Variants in RNF41 observed in about 807,000 individuals in gnomAD.
The protein encoded by RNF41 is E3 ubiquitin-protein ligase NRDP1.
A neutral mutation model predicts 33.0 loss-of-function variants in RNF41; 4 were observed. That is an observed-to-expected ratio of 0.12 (90% confidence interval 0.06 to 0.28). RNF41 has a LOEUF of 0.28. Ranked by LOEUF, RNF41 falls within the 10% of genes least tolerant of loss-of-function variation. The pLI is 1.00. For missense variants in RNF41, 228 were observed against 432.6 expected (o/e 0.53, Z 4.19); for synonymous variants, 164 against 153.2 (o/e 1.07, Z -0.52).
rs1868701215 is a variant in RNF41, at chr12:56,214,372, T to C, written c.-23-302A>G. 1.3e-5 allele frequency among the ~76,000 whole-genome samples: 2 copies of C among 149,546 alleles called. 1 individual carries two copies. The highest frequency in any genetic ancestry group is 4.3e-4 in the South Asian group (2 of 4,704). On this transcript the variant is annotated intron_variant, in intron 2 of 6. Coordinates refer to ENST00000345093, the MANE Select transcript of RNF41 (RefSeq NM_005785.4). The stretch of plus-strand genomic sequence containing the variant: ...CCTGTCTCTACTAAAAATACAAAAA[T>C]TAGCTGGGTGTGGTATGCGCATCTG...
rs148827697 is a variant in RNF41 at position 56,208,218 on chromosome 12, C to T, written c.443G>A (p.Arg148His). Residue 148 changes from arginine (R) to histidine (H), a missense_variant, in exon 5 of 7, where the codon CGC becomes CAC. By Grantham distance (29) the Arg-to-His change is conservative. Coordinates refer to ENST00000345093, the MANE Select transcript of RNF41 (RefSeq NM_005785.4). ...TGACGTCTTCTCCAGCTCTGCGATGCGTGTCTGCTGCTGCTGTACCACTGA... is the reference window on the plus strand; with the variant it reads ...TGACGTCTTCTCCAGCTCTGCGATGTGTGTCTGCTGCTGCTGTACCACTGA... The part of the protein sequence containing the change: ...LRSVVQQQQT[R>H]IAELEKTSAE... 13 of 1,614,082 alleles carry T rather than the reference C, an allele frequency of 8.1e-6. No homozygotes were observed. In the African/African-American group the frequency reaches 1.5e-4, roughly 18 times the overall value.
In RNF41 at chr12:56,204,989, T is replaced by C. The variant is rs2135796832; in HGVS notation, c.*1458A>G. The C allele has an allele frequency of 6.6e-6, 1 of 152,378 alleles. No individual in the cohort carries two copies. Among genetic ancestry groups the C allele is most frequent in the Admixed American group, 6.5e-5 (1 of 15,294 alleles). The allele number at this position is 152,378 out of a possible 1,614,324, so 9.4% of individuals were successfully genotyped here. On this transcript the variant is annotated 3_prime_UTR_variant, in exon 7 of 7. Coordinates refer to ENST00000345093, the MANE Select transcript of RNF41 (RefSeq NM_005785.4). ...GCCAGTCACTCTAGGGATCAAGGTA[T>C]ACCCCAGGTAACCTGAAATGGAACT... is the stretch of plus-strand genomic sequence containing the variant.
At chr12:56,220,203 TG>T (rs1869259723) in intron 1 of RNF41, among the ~76,000 whole-genome samples, 1 of 151,668 alleles carries the variant, frequency 6.6e-6, no homozygotes, top group African/African-American at 2.4e-5. Context: ...GTCAGGGTTT[TG>T]TTTTGTTTTT....
chr12:56,210,666 C>G, intron 3 of RNF41, 98 bp from the exon 4 acceptor site: 1 of 1,241,634 alleles, frequency 8.1e-7, no homozygotes, highest in South Asian at 1.3e-5. Flanking sequence ...AGCCTTTGAG[C>G]AGCCTCTACG....
intron 3 of RNF41, chr12:56,212,847 T>G: frequency 2.0e-6 from 1 of 505,542 alleles, no homozygotes; most frequent in Non-Finnish European, 3.4e-6. Flanking sequence ...CATTGCCTAG[T>G]GTCCTGGTTT....
chr12:56,203,674 G>T lies in RNF41; in HGVS notation c.*2773C>A, dbSNP rs1421596723. 1 of 144,510 alleles carries T rather than the reference G, an allele frequency of 6.9e-6. No homozygotes were observed. Among genetic ancestry groups the T allele is most frequent in the African/African-American group, 2.6e-5 (1 of 38,626 alleles). The allele number at this position is 144,510 out of a possible 1,614,324, so 9.0% of individuals were successfully genotyped here. ...CTCCCAAAGTGCTGGGATTACAGAC[G>T]TGAGCCACCGTGCCCGGCCTATGAA... On this transcript the variant is annotated 3_prime_UTR_variant, in exon 7 of 7. Coordinates refer to ENST00000345093, the MANE Select transcript of RNF41 (RefSeq NM_005785.4).
chr12:56,203,734 C>T lies in RNF41; in HGVS notation c.*2713G>A, dbSNP rs1206439849. The T allele has an allele frequency of 3.2e-5, 4 of 126,204 alleles. No homozygotes were observed. Among genetic ancestry groups the T allele is most frequent in the African/African-American group, 1.2e-4 (4 of 32,674 alleles). 7.8% of individuals were successfully genotyped at this position (126,204 alleles called of 1,614,324 possible). A position where few individuals can be genotyped will look rare whatever the true frequency, so the allele number is the denominator to read the frequency against. On this transcript the variant is annotated 3_prime_UTR_variant, in exon 7 of 7. Coordinates refer to ENST00000345093, the MANE Select transcript of RNF41 (RefSeq NM_005785.4). ...TTTTTTTTTTTTTTTTAGACGGAGC[C>T]TTGCTCTGTCGCCCAGGCTGGAATG...
At position 56,218,953 on chromosome 12, in the gene RNF41, C is replaced by T. The variant is rs192187753; in HGVS notation, c.-208-2340G>A. ...TCCTGACCTTGTGATCCGCCCGCCT[C>T]GGCCTCCCAAAGTGCTGGGATTATA... On this transcript the variant is annotated intron_variant, in intron 1 of 6. Coordinates refer to ENST00000345093, the MANE Select transcript of RNF41 (RefSeq NM_005785.4). 2.6e-3 allele frequency among the ~76,000 whole-genome samples: 385 copies of T among 150,648 alleles called. 4 individuals are homozygous for T. The highest frequency in any genetic ancestry group is 9.0e-3 in the African/African-American group (370 of 41,328).
At position 56,206,895 on chromosome 12, in the gene RNF41, G is replaced by A; in HGVS notation, c.603-97C>T. On this transcript the variant is annotated intron_variant, in intron 6 of 6. Transcript: ENST00000345093. This position sits in a 1 kb window ranked among gnomAD's most constrained non-coding sequence, Gnocchi z 5.7. ...GAAATAACTACCCACTCTGCACTCA[G>A]CTTACCTATTCTTCCTTCTTTCCTT... The A allele has an allele frequency of 1.0e-6, 1 of 996,018 alleles. No individual in the cohort carries two copies. The highest frequency in any genetic ancestry group is 1.5e-6 in the Non-Finnish European group (1 of 688,724). The allele number at this position is 996,018 out of a possible 1,614,324, so 61.7% of individuals were successfully genotyped here.
intron 1 of RNF41, 30 bp downstream of exon 1, chr12:56,221,730 G>A (rs917829613): frequency 6.6e-6 from 1 of 152,186 alleles, no homozygotes; most frequent in East Asian, 1.9e-4. Flanking sequence ...CCCTCTTTTA[G>A]GTGGAAGATC....
intron 5 of RNF41, among the ~76,000 whole-genome samples, 168 bp downstream of exon 5, chr12:56,207,995 A>G (rs968715642): frequency 1.3e-5 from 2 of 152,256 alleles, no homozygotes; most frequent in Non-Finnish European, 2.9e-5. Context: ...AGAAAAGTCA[A>G]GGAGAGCTCC....
In RNF41 at chr12:56,210,545, G is replaced by A; in HGVS notation, c.114C>T (p.Phe38=). Residue 38 remains phenylalanine, a synonymous_variant, in exon 4 of 7, where the codon TTC becomes TTT. Coordinates refer to ENST00000345093, the MANE Select transcript of RNF41 (RefSeq NM_005785.4). The part of the protein sequence containing the change: ...PVQAPHCEHA[F]CNACITQWFS... ...ACCACTGGGTGATGCAGGCGTTGCA[G>A]AAAGCATGTTCACAATGAGGTGCCT... 6.2e-7 allele frequency: 1 copy of A among 1,613,558 alleles called. No homozygotes were observed. Among genetic ancestry groups the A allele is most frequent in the Non-Finnish European group, 8.5e-7 (1 of 1,180,014 alleles).
chr12:56,207,776 A>T, intron 5 of RNF41, 27 bp from the exon 6 acceptor site: 1 of 1,563,160 alleles, frequency 6.4e-7, no homozygotes, highest in South Asian at 1.1e-5. Context: ...GAACAGGAAT[A>T]ATGGTTAAGG....
rs1878747640 is a variant in RNF41 at position 56,204,495 on chromosome 12, G to C, written c.*1952C>G. ...CCTTCTCAAGAAAGGGAGTAATGCTGAAGAATTTAGAGAGTTGAGTAAAAG... is the reference window on the plus strand; with the variant it reads ...CCTTCTCAAGAAAGGGAGTAATGCTCAAGAATTTAGAGAGTTGAGTAAAAG... On this transcript the variant is annotated 3_prime_UTR_variant, in exon 7 of 7. Coordinates refer to ENST00000345093, the MANE Select transcript of RNF41 (RefSeq NM_005785.4). 1 of 152,262 alleles carries C rather than the reference G, an allele frequency of 6.6e-6. No individual in the cohort carries two copies. Among genetic ancestry groups the C allele is most frequent in the Non-Finnish European group, 1.5e-5 (1 of 68,048 alleles). 9.4% of individuals were successfully genotyped at this position (152,262 alleles called of 1,614,324 possible).
At chr12:56,209,916 T>G (rs1868364596) in intron 4 of RNF41, 1 of 245,086 alleles carries the variant, frequency 4.1e-6, no homozygotes, top group African/African-American at 2.2e-5. Flanking sequence ...TATCAACATT[T>G]AGTCGAATAT....
At chr12:56,210,619 A>C in intron 3 of RNF41, 51 bp from the exon 4 acceptor site, 5 of 1,491,504 alleles carry the variant, frequency 3.4e-6, no homozygotes, top group African/African-American at 1.5e-5. Context: ...GCAGGACCTA[A>C]GAGCCTGGAT....
In RNF41 at chr12:56,204,011, A is replaced by C. The variant is rs1878721722; in HGVS notation, c.*2436T>G. ...TGAGCCACCGCGCCCGGCTATGAAG[A>C]CTATTTTTATAAGTAAATAATTATG... On this transcript the variant is annotated 3_prime_UTR_variant, in exon 7 of 7. Coordinates refer to ENST00000345093, the MANE Select transcript of RNF41 (RefSeq NM_005785.4). The C allele has an allele frequency of 6.6e-6, 1 of 152,068 alleles. No individual in the cohort carries two copies. The highest frequency in any genetic ancestry group is 2.4e-5 in the African/African-American group (1 of 41,404). The allele number at this position is 152,068 out of a possible 1,614,324, so 9.4% of individuals were successfully genotyped here. A position where few individuals can be genotyped will look rare whatever the true frequency, so the allele number is the denominator to read the frequency against.
rs1869491804 is a variant in RNF41, at chr12:56,221,888, A to T, written c.-337T>A. 6.6e-6 allele frequency: 1 copy of T among 152,436 alleles called. No homozygotes were observed. Among genetic ancestry groups the T allele is most frequent in the South Asian group, 2.1e-4 (1 of 4,844 alleles). 9.4% of individuals were successfully genotyped at this position (152,436 alleles called of 1,614,324 possible). On this transcript the variant is annotated 5_prime_UTR_variant, in exon 1 of 7. Transcript: ENST00000345093. ...AGGGAAGGGAAAGGGGAAGGAGGGGAAAGAAGACTCCTACCACTCGTCGCC... is the reference window on the plus strand; with the variant it reads ...AGGGAAGGGAAAGGGGAAGGAGGGGTAAGAAGACTCCTACCACTCGTCGCC...
At chr12:56,218,520 G>C (rs1869080273) in intron 1 of RNF41, among the ~76,000 whole-genome samples, 1 of 151,576 alleles carries the variant, frequency 6.6e-6, no homozygotes, top group Non-Finnish European at 1.5e-5. Context: ...TCCCACCTCA[G>C]CCTCCCGAAG....
Sources: gnomAD v4.1 joint callset for allele counts (sites outside exome capture counted in the v4.1 genomes callset) on GRCh38, gnomAD v4.1.1 for gene constraint, Gnocchi (gnomAD v3.1) non-coding constraint, MANE v1.5 for transcripts, NCBI Gene and HGNC (gene_info 2026-07-23, HGNC 2026-07-21) for gene names.